SLC7A14: variants seen among roughly 807,000 people sequenced by gnomAD.
The protein encoded by SLC7A14 is gamma-aminobutyric acid transporter SLC7A14.
In SLC7A14, 37 loss-of-function variants were observed where a neutral mutation model predicts 60.2. That is an observed-to-expected ratio of 0.61 (90% confidence interval 0.47 to 0.81). The LOEUF is 0.81. SLC7A14 is among the 30% of genes least tolerant of loss of function. The probability of loss-of-function intolerance (pLI) is 0.00; values close to 1 mark genes in which losing one functional copy is unlikely to be tolerated. For missense variants in SLC7A14, 886 were observed against 982.7 expected (o/e 0.90, Z 1.32); for synonymous variants, 399 against 395.8 (o/e 1.01, Z -0.10).
chr3:170,538,079 A>G (rs1024324029), intron 1 of SLC7A14, among the ~76,000 whole-genome samples: 3 of 152,216 alleles, frequency 2.0e-5, no homozygotes, highest in Non-Finnish European at 4.4e-5. Flanking sequence ...GAAGTCTCCT[A>G]AATGAACTTG....
At chr3:170,550,188 T>G (rs1048108086) in intron 1 of SLC7A14, among the ~76,000 whole-genome samples, 1 of 152,206 alleles carries the variant, frequency 6.6e-6, no homozygotes, top group African/African-American at 2.4e-5. Context: ...TGAAATGAAG[T>G]TCATAGATAA....
At chr3:170,571,748 T>A (rs1287143808) in intron 1 of SLC7A14, among the ~76,000 whole-genome samples, 2 of 152,164 alleles carry the variant, frequency 1.3e-5, no homozygotes, top group African/African-American at 2.4e-5. Context: ...CTTTCTTAGA[T>A]GTAGTGACAG....
At chr3:170,564,239 A>C (rs1560281904) in intron 1 of SLC7A14, among the ~76,000 whole-genome samples, 1 of 152,192 alleles carries the variant, frequency 6.6e-6, no homozygotes, top group Non-Finnish European at 1.5e-5. Context: ...TGGAGAACAG[A>C]AACTGATTCT....
At chr3:170,526,098 A>AAAC (rs748846668) in intron 2 of SLC7A14, among the ~76,000 whole-genome samples, 76 of 150,560 alleles carry the variant, frequency 5.0e-4, no homozygotes, top group African/African-American at 1.7e-3. Flanking sequence ...CCCAGAAAAC[A>AAAC]AACAACAACA....
intron 2 of SLC7A14, among the ~76,000 whole-genome samples, chr3:170,522,661 G>T (rs538961683): frequency 3.2e-4 from 49 of 152,284 alleles, no homozygotes; most frequent in African/African-American, 1.1e-3. Context: ...ACTACAAAGA[G>T]GCAGCCTGGA....
At chr3:170,550,809 A>C (rs972439451) in intron 1 of SLC7A14, among the ~76,000 whole-genome samples, 1 of 151,896 alleles carries the variant, frequency 6.6e-6, no homozygotes, top group African/African-American at 2.4e-5. Context: ...GGCATGAGAC[A>C]CCGCGCCCAA....
intron 1 of SLC7A14, among the ~76,000 whole-genome samples, chr3:170,577,969 AC>A (rs548297549): frequency 9.6e-4 from 146 of 152,328 alleles, no homozygotes; most frequent in Middle Eastern, 3.4e-3. Flanking sequence ...CTTAGCCTTG[AC>A]CCAAGCCTAC....
intron 2 of SLC7A14, among the ~76,000 whole-genome samples, chr3:170,507,531 G>GA (rs202120090): frequency 2.0e-5 from 3 of 151,570 alleles, no homozygotes; most frequent in East Asian, 1.9e-4. Context: ...TTGCCAGTCA[G>GA]AAAAAAAATA....
intron 2 of SLC7A14, 54 bp downstream of exon 2, chr3:170,526,579 G>T: frequency 6.3e-7 from 1 of 1,576,054 alleles, no homozygotes; most frequent in South Asian, 1.2e-5. Flanking sequence ...GATGAACAGT[G>T]ACCAGGCTGG....
chr3:170,495,708 CAGG>C, intron 4 of SLC7A14: 1 of 1,088,040 alleles, frequency 9.2e-7, no homozygotes. Flanking sequence ...CATGCACACC[CAGG>C]AGAAGGAGCA....
intron 2 of SLC7A14, among the ~76,000 whole-genome samples, chr3:170,522,833 T>C (rs937779398): frequency 8.5e-5 from 13 of 152,228 alleles, no homozygotes; most frequent in African/African-American, 3.1e-4. Context: ...CATCCATTTT[T>C]CATTATTACA....
At chr3:170,495,641 G>A (rs17533538) in intron 4 of SLC7A14, 91,720 of 823,956 alleles carry the variant, frequency 0.11, 6,118 homozygotes, top group Non-Finnish European at 0.14. Flanking sequence ...CCACTGTCAC[G>A]TTCAACCAGA....
intron 3 of SLC7A14, 75 bp from the exon 4 acceptor site, chr3:170,498,959 T>A: frequency 7.1e-7 from 1 of 1,409,756 alleles, no homozygotes; most frequent in Non-Finnish European, 9.9e-7. Flanking sequence ...CCTACCCCAC[T>A]GCATCCGTAC....
intron 1 of SLC7A14, among the ~76,000 whole-genome samples, chr3:170,577,165 G>T (rs114735852): frequency 0.023 from 3,434 of 152,224 alleles, 143 homozygotes; most frequent in African/African-American, 0.079. Context: ...GTAATGTGAG[G>T]GGCAAGATCT....
At chr3:170,576,693 G>C (rs780844891) in intron 1 of SLC7A14, among the ~76,000 whole-genome samples, 2 of 152,208 alleles carry the variant, frequency 1.3e-5, no homozygotes, top group Non-Finnish European at 2.9e-5. Context: ...ACATTACTTA[G>C]AGCGGTATTT....
chr3:170,547,233 G>C (rs1210901064), intron 1 of SLC7A14, among the ~76,000 whole-genome samples: 1 of 152,166 alleles, frequency 6.6e-6, no homozygotes. Context: ...CTGAAGTGGA[G>C]GGTTTTGTTT....
At chr3:170,512,771 C>T (rs1024174155) in intron 2 of SLC7A14, among the ~76,000 whole-genome samples, 6 of 147,348 alleles carry the variant, frequency 4.1e-5, no homozygotes, top group African/African-American at 1.5e-4. Context: ...TCACGCCATT[C>T]TCCTGCCTCA....
chr3:170,509,067 G>C (rs181757566), intron 2 of SLC7A14, among the ~76,000 whole-genome samples: 19 of 152,248 alleles, frequency 1.2e-4, no homozygotes, highest in Admixed American at 6.5e-4. Context: ...GGTTTTTCAG[G>C]GAGTGATTGG....
chr3:170,575,337 G>A (rs981820137), intron 1 of SLC7A14, among the ~76,000 whole-genome samples: 1 of 152,232 alleles, frequency 6.6e-6, no homozygotes, highest in African/African-American at 2.4e-5. Context: ...TGTTCAGGCT[G>A]TGACTCCATA....
Sources: allele counts gnomAD v4.1 joint callset (sites outside exome capture counted in the v4.1 genomes callset), GRCh38; gene constraint gnomAD v4.1.1; transcripts MANE v1.5; gene names NCBI Gene and HGNC (gene_info 2026-07-23, HGNC 2026-07-21).